The following VPS13B variants were observed in gnomAD, a reference collection of about 807,000 sequenced individuals.
VPS13B encodes intermembrane lipid transfer protein VPS13B.
Under a neutral mutation model 426.4 loss-of-function variants are expected in VPS13B, and 285 were observed. That is an observed-to-expected ratio of 0.67 (90% confidence interval 0.61 to 0.74). The LOEUF (loss-of-function observed/expected upper bound fraction) is 0.74. VPS13B is among the 30% of genes least tolerant of loss of function. The probability of loss-of-function intolerance (pLI) is 0.00; values close to 1 mark genes in which losing one functional copy is unlikely to be tolerated. For missense variants in VPS13B, 4,537 were observed against 4,782.6 expected, an observed-to-expected ratio of 0.95 and a Z score of 1.51; for synonymous variants, 1,676 against 1,676.4, an observed-to-expected ratio of 1.00 and a Z score of 0.01.
At chr8:99,302,743 A>G (rs543990726) in intron 19 of VPS13B, among the ~76,000 whole-genome samples, 10 of 152,202 alleles carry the variant, frequency 6.6e-5, no homozygotes, top group African/African-American at 2.4e-4. Flanking sequence ...TCCTGACCTC[A>G]GGTGATCCAC....
At chr8:99,874,810 C>T (rs1397299752) in intron 61 of VPS13B, among the ~76,000 whole-genome samples, 1 of 152,194 alleles carries the variant, frequency 6.6e-6, no homozygotes, top group Non-Finnish European at 1.5e-5. Flanking sequence ...ACTTTACATC[C>T]TCTTTTTTTC....
chr8:99,874,645 C>CTAGA lies in VPS13B; in HGVS notation c.11746-769_11746-766dup, dbSNP rs539370809. Among the ~76,000 whole-genome samples, 54 of 152,130 alleles carry CTAGA rather than the reference C, an allele frequency of 3.5e-4. No homozygotes were observed. The East Asian group carries it at 0.01, about 29-fold the overall frequency. On this transcript the variant is annotated intron_variant, in intron 61 of 61. Coordinates refer to ENST00000357162, the MANE Select transcript of VPS13B (RefSeq NM_152564.5). ...CTTCCCACTCCACTTGATCTACACA[C>CTAGA]TAGATAGCTAAAGGACTTCAGGGTA...
At chr8:99,321,337 G>A (rs940770644) in intron 19 of VPS13B, among the ~76,000 whole-genome samples, 2 of 151,196 alleles carry the variant, frequency 1.3e-5, no homozygotes, top group African/African-American at 4.9e-5. Context: ...AGTCTCCTGA[G>A]CAGCCAGGAT....
chr8:99,569,825 A>G (rs1422151895), intron 31 of VPS13B, among the ~76,000 whole-genome samples: 1 of 152,218 alleles, frequency 6.6e-6, no homozygotes, highest in Non-Finnish European at 1.5e-5. Flanking sequence ...AGCTTACTAG[A>G]ACAGCTTTTG....
chr8:99,766,256 G>A (rs1322174380), intron 39 of VPS13B, among the ~76,000 whole-genome samples: 1 of 151,494 alleles, frequency 6.6e-6, no homozygotes, highest in Non-Finnish European at 1.5e-5. Context: ...ACTAATTTTT[G>A]TATTTTTAGT....
rs535994978 is a variant in VPS13B, at chr8:99,102,564, A to G, written c.413-389A>G. ...AGACCATCTTCTAATATACTGTATAATCAGCATATAGTAACATTGCTTCAT... is the reference window on the plus strand; with the variant it reads ...AGACCATCTTCTAATATACTGTATAGTCAGCATATAGTAACATTGCTTCAT... On this transcript the variant is annotated intron_variant, in intron 4 of 61. Transcript: ENST00000357162. Among the ~76,000 whole-genome samples, 5 of 152,340 alleles carry G rather than the reference A, an allele frequency of 3.3e-5. No homozygotes were observed. In the South Asian group the frequency reaches 8.3e-4, roughly 25 times the overall value.
intron 29 of VPS13B, 64 bp downstream of exon 29, chr8:99,511,576 T>C (rs1821790135): frequency 6.6e-7 from 1 of 1,521,348 alleles, no homozygotes; most frequent in Admixed American, 2.2e-5. Context: ...CTTAGTTTTC[T>C]GGGTTTTTTT....
At chr8:99,194,283 T>C (rs576609159) in intron 17 of VPS13B, among the ~76,000 whole-genome samples, 2 of 152,302 alleles carry the variant, frequency 1.3e-5, no homozygotes, top group African/African-American at 4.8e-5. Context: ...CCTGAAGTAG[T>C]ATGCAAATTT....
intron 20 of VPS13B, among the ~76,000 whole-genome samples, chr8:99,385,172 A>G (rs897992787): frequency 8.5e-5 from 13 of 152,326 alleles, no homozygotes; most frequent in African/African-American, 2.9e-4. Flanking sequence ...TAATTCTGAC[A>G]GTTTTATTAT....
intron 8 of VPS13B, among the ~76,000 whole-genome samples, chr8:99,129,978 C>CT (rs1809691412): frequency 6.6e-6 from 1 of 152,162 alleles, no homozygotes; most frequent in Non-Finnish European, 1.5e-5. Context: ...GATCGTGCTA[C>CT]TGCACTGCAG....
At chr8:99,829,103 T>A (rs1297988480) in intron 51 of VPS13B, among the ~76,000 whole-genome samples, 1 of 152,188 alleles carries the variant, frequency 6.6e-6, no homozygotes, top group East Asian at 1.9e-4. Context: ...TTGAGGAGTA[T>A]CTTTATGGTG....
chr8:99,242,559 A>G (rs1365825165), intron 17 of VPS13B, among the ~76,000 whole-genome samples: 7 of 152,196 alleles, frequency 4.6e-5, no homozygotes, highest in African/African-American at 1.4e-4. Context: ...TCTTATTAGA[A>G]AATTTTAATG....
At chr8:99,865,299 C>T (rs1020124507) in intron 58 of VPS13B, among the ~76,000 whole-genome samples, 24 of 152,222 alleles carry the variant, frequency 1.6e-4, no homozygotes, top group Admixed American at 9.2e-4. Context: ...CTGCATTCTG[C>T]GTTTCCTCCC....
At chr8:99,350,839 A>T (rs1362276135) in intron 19 of VPS13B, among the ~76,000 whole-genome samples, 1 of 151,522 alleles carries the variant, frequency 6.6e-6, no homozygotes, top group African/African-American at 2.4e-5. Flanking sequence ...GATATGAATT[A>T]TATGTATATG....
At chr8:99,586,044 G>A (rs544562557) in intron 33 of VPS13B, among the ~76,000 whole-genome samples, 62 of 152,224 alleles carry the variant, frequency 4.1e-4, no homozygotes, top group Admixed American at 1.2e-3. Context: ...GAGCCTTCTT[G>A]CACTCCCCAC....
rs531984259 is a variant in VPS13B, at chr8:99,739,833, A to G, written c.7050+18786A>G. Among the ~76,000 whole-genome samples, 6 of 152,340 alleles carry G rather than the reference A, an allele frequency of 3.9e-5. No individual in the cohort carries two copies. The South Asian group carries it at 1.2e-3, about 32-fold the overall frequency. ...AAAACCCCATCTGTACGTCACCAAA[A>G]TCAAAGACCAAAGGTAGATAAAACC... On this transcript the variant is annotated intron_variant, in intron 39 of 61. Coordinates refer to ENST00000357162, the MANE Select transcript of VPS13B (RefSeq NM_152564.5).
chr8:99,308,732 T>A (rs929781842), intron 19 of VPS13B, among the ~76,000 whole-genome samples: 2 of 152,174 alleles, frequency 1.3e-5, no homozygotes, highest in Non-Finnish European at 2.9e-5. Flanking sequence ...AATTTCTAGT[T>A]CTAGATCCCT....
intron 42 of VPS13B, among the ~76,000 whole-genome samples, chr8:99,782,700 C>T (rs566651598): frequency 6.6e-6 from 1 of 152,102 alleles, no homozygotes; most frequent in African/African-American, 2.4e-5. Context: ...CTGGAGTGTC[C>T]TGAGCAAATG....
intron 34 of VPS13B, among the ~76,000 whole-genome samples, chr8:99,660,319 CA>C (rs1404288262): frequency 1.3e-5 from 2 of 152,088 alleles, no homozygotes; most frequent in African/African-American, 4.8e-5. Flanking sequence ...ACTAAATAAC[CA>C]TATGTTGAAT....
Sources: gnomAD v4.1 joint callset for allele counts (sites outside exome capture counted in the v4.1 genomes callset) on GRCh38, gnomAD v4.1.1 for gene constraint, MANE v1.5 for transcripts, NCBI Gene and HGNC (gene_info 2026-07-23, HGNC 2026-07-21) for gene names.